CNTN4: variants seen among roughly 807,000 people sequenced by gnomAD.
The protein encoded by CNTN4 is contactin-4.
Under a neutral mutation model 122.5 loss-of-function variants are expected in CNTN4, and 77 were observed. The observed-to-expected ratio is 0.63, with a 90% CI of 0.52 to 0.76. CNTN4 has a LOEUF of 0.76. Ranked by LOEUF, CNTN4 falls within the 30% of genes least tolerant of loss-of-function variation. The probability of loss-of-function intolerance (pLI) is 0.00; values close to 1 mark genes in which losing one functional copy is unlikely to be tolerated. For synonymous variants in CNTN4, 512 were observed against 447.0 expected (o/e 1.15, Z -1.83); for missense variants, 1,256 against 1,259.1 (o/e 1.00, Z 0.04).
chr3:2,250,511 T>C (rs1403229083), intron 2 of CNTN4, among the ~76,000 whole-genome samples: 2 of 151,902 alleles, frequency 1.3e-5, no homozygotes, highest in Non-Finnish European at 2.9e-5. Context: ...GTTGATAATA[T>C]ATAGCTAGAG....
chr3:2,912,888 A>T (rs938552576), intron 12 of CNTN4, among the ~76,000 whole-genome samples: 3 of 152,252 alleles, frequency 2.0e-5, no homozygotes, highest in African/African-American at 7.2e-5. Flanking sequence ...GCAGTGGCTC[A>T]CGCCCGTAAT....
chr3:3,030,395 A>G (rs1254398475), intron 15 of CNTN4, among the ~76,000 whole-genome samples: 6 of 152,208 alleles, frequency 3.9e-5, no homozygotes, highest in Non-Finnish European at 2.9e-5. Flanking sequence ...GAGCAATAAC[A>G]ATGCTGGCTC....
chr3:2,372,976 G>A (rs1375026682), intron 3 of CNTN4, among the ~76,000 whole-genome samples: 1 of 152,186 alleles, frequency 6.6e-6, no homozygotes, highest in Non-Finnish European at 1.5e-5. Flanking sequence ...GAACCTGGGA[G>A]GCTGAGGTTG....
chr3:2,428,471 G>A (rs1352966373), intron 3 of CNTN4, among the ~76,000 whole-genome samples: 7 of 152,118 alleles, frequency 4.6e-5, no homozygotes, highest in Admixed American at 3.9e-4. Context: ...TCTCTTAGCG[G>A]GTAACCCAAC....
chr3:2,201,791 T>C (rs2038106270), intron 2 of CNTN4, among the ~76,000 whole-genome samples: 1 of 152,166 alleles, frequency 6.6e-6, no homozygotes, highest in African/African-American at 2.4e-5. Flanking sequence ...CTTAAAATTT[T>C]CAGACTTTTC....
intron 6 of CNTN4, among the ~76,000 whole-genome samples, chr3:2,806,052 C>T (rs923723164): frequency 3.3e-5 from 5 of 152,092 alleles, no homozygotes; most frequent in African/African-American, 1.2e-4. Context: ...CAGGTGCCCA[C>T]CAGCAGGCCT....
intron 13 of CNTN4, among the ~76,000 whole-genome samples, chr3:2,982,279 T>C (rs1694097059): frequency 6.6e-6 from 1 of 152,172 alleles, no homozygotes; most frequent in African/African-American, 2.4e-5. Context: ...TCAGAATCCA[T>C]TCCTTCCATT....
rs369907805 is a variant in CNTN4, at chr3:3,040,398, G to A, written c.2398+127G>A. 15 of 764,650 alleles carry A rather than the reference G, an allele frequency of 2.0e-5. No individual in the cohort carries two copies. The African/African-American group carries it at 2.2e-4, about 11-fold the overall frequency. The allele number at this position is 764,650 out of a possible 1,614,324, so 47.4% of individuals were successfully genotyped here. A position where few individuals can be genotyped will look rare whatever the true frequency, so the allele number is the denominator to read the frequency against. ...GAAGGCATACCTGATTTGAGAAGAG[G>A]ATAATGTAAACAATTTGGTTCGCTG... On this transcript the variant is annotated intron_variant, in intron 20 of 24. Transcript: ENST00000418658.
At chr3:2,848,996 A>C (rs961199596) in intron 7 of CNTN4, among the ~76,000 whole-genome samples, 5 of 152,204 alleles carry the variant, frequency 3.3e-5, no homozygotes, top group African/African-American at 1.2e-4. Flanking sequence ...AAGTCAGGAG[A>C]AGCTAGGCAC....
chr3:2,511,377 G>A (rs1222392506), intron 3 of CNTN4: 2 of 152,246 alleles, frequency 1.3e-5, no homozygotes, highest in East Asian at 1.9e-4. Context: ...GCCAGTTAGA[G>A]ATGTGTGTGA....
intron 2 of CNTN4, among the ~76,000 whole-genome samples, chr3:2,300,930 G>A (rs900056094): frequency 1.5e-4 from 23 of 152,206 alleles, no homozygotes; most frequent in African/African-American, 4.8e-4. Flanking sequence ...GCATGAAGGC[G>A]TGTCCATTTG....
At position 2,820,316 on chromosome 3, in the gene CNTN4, T is replaced by G. The variant is rs115509863; in HGVS notation, c.454+735T>G. 1.4e-3 allele frequency among the ~76,000 whole-genome samples: 220 copies of G among 152,330 alleles called. 3 individuals are homozygous for G. The highest frequency in any genetic ancestry group is 4.1e-3 in the Admixed American group (62 of 15,298). On this transcript the variant is annotated intron_variant, in intron 7 of 24. Transcript: ENST00000418658. ...ACATACCAGTTTATTATAAAAGATA[T>G]TATAAAGGATACGTATGAACAGCCC...
chr3:2,492,921 G>A (rs1046110184), intron 3 of CNTN4, among the ~76,000 whole-genome samples: 1 of 152,128 alleles, frequency 6.6e-6, no homozygotes, highest in Admixed American at 6.5e-5. Flanking sequence ...ACAAAGACTT[G>A]ATGGTACAGT....
intron 10 of CNTN4, among the ~76,000 whole-genome samples, chr3:2,888,558 T>C (rs1290331999): frequency 6.6e-6 from 1 of 152,124 alleles, no homozygotes; most frequent in Non-Finnish European, 1.5e-5. Flanking sequence ...CCATTTTTCA[T>C]ACCCGGAACC....
chr3:2,204,732 C>T (rs2038261798), intron 2 of CNTN4, among the ~76,000 whole-genome samples: 1 of 152,024 alleles, frequency 6.6e-6, no homozygotes, highest in Non-Finnish European at 1.5e-5. Flanking sequence ...TCACTATTCT[C>T]AAAGGATGCA....
chr3:2,426,138 C>A (rs1396168256), intron 3 of CNTN4, among the ~76,000 whole-genome samples: 1 of 152,146 alleles, frequency 6.6e-6, no homozygotes, highest in Non-Finnish European at 1.5e-5. Context: ...GCATCCCTGT[C>A]TTGTGCCAGT....
At chr3:2,206,348 C>G (rs536888148) in intron 2 of CNTN4, among the ~76,000 whole-genome samples, 9 of 152,076 alleles carry the variant, frequency 5.9e-5, no homozygotes, top group African/African-American at 2.2e-4. Context: ...TGTCAATATG[C>G]AATCAGGCAG....
intron 4 of CNTN4, among the ~76,000 whole-genome samples, chr3:2,573,261 T>C (rs964918718): frequency 6.6e-6 from 1 of 152,192 alleles, no homozygotes; most frequent in Admixed American, 6.5e-5. Flanking sequence ...TTATACATCT[T>C]TTAATAGTCT....
At chr3:2,364,276 T>A (rs1263507088) in intron 3 of CNTN4, among the ~76,000 whole-genome samples, 1 of 152,184 alleles carries the variant, frequency 6.6e-6, no homozygotes, top group African/African-American at 2.4e-5. Context: ...AGAGTTGTTG[T>A]CTCGATATTT....
Sources: gnomAD v4.1 joint callset for allele counts (sites outside exome capture counted in the v4.1 genomes callset) on GRCh38, gnomAD v4.1.1 for gene constraint, MANE v1.5 for transcripts, NCBI Gene and HGNC (gene_info 2026-07-23, HGNC 2026-07-21) for gene names.